Variants in CXXC5 observed in about 807,000 individuals in gnomAD.
CXXC5 encodes the protein CXXC finger protein 5.
In CXXC5, 2 loss-of-function variants were observed where a neutral mutation model predicts 17.6. That is an observed-to-expected ratio of 0.11 (90% CI 0.05 to 0.36). CXXC5 has a LOEUF of 0.36. CXXC5 is among the 10% of genes least tolerant of loss of function. The pLI, the probability that CXXC5 is intolerant of heterozygous loss-of-function variation, is 1.00. For missense variants in CXXC5, 343 were observed against 458.3 expected (o/e 0.75, Z 2.30); for synonymous variants, 171 against 193.0 (o/e 0.89, Z 0.94).
chr5:139,660,265 G>A (rs1755719845), intron 1 of CXXC5, among the ~76,000 whole-genome samples: 1 of 152,234 alleles, frequency 6.6e-6, no homozygotes, highest in Admixed American at 6.5e-5. Flanking sequence ...CTCTGGTGGA[G>A]TGTGGAGCCA....
At chr5:139,647,703 T>G (rs1487249167), upstream of CXXC5, among the ~76,000 whole-genome samples, 1 of 152,160 alleles carries the variant, frequency 6.6e-6, no homozygotes, top group African/African-American at 2.4e-5. Context: ...GACTCAAGAG[T>G]TGAGGCTGAT....
At chr5:139,672,127 AT>A (rs374648862) in intron 1 of CXXC5, among the ~76,000 whole-genome samples, 23 of 151,822 alleles carry the variant, frequency 1.5e-4, no homozygotes, top group African/African-American at 5.1e-4. Flanking sequence ...TTGTTTATTT[AT>A]TGTTTTGAGA....
chr5:139,683,021 T>A lies in CXXC5; in HGVS notation c.*114T>A. 1 of 821,448 alleles carries A rather than the reference T, an allele frequency of 1.2e-6. No homozygotes were observed. The highest frequency in any genetic ancestry group is 1.7e-6 in the Non-Finnish European group (1 of 577,114). The allele number at this position is 821,448 out of a possible 1,614,324, so 50.9% of individuals were successfully genotyped here. A position where few individuals can be genotyped will look rare whatever the true frequency, so the allele number is the denominator to read the frequency against. ...CACCCGTCTTTAGAACCAAAAATAT[T>A]CTCTCACAGATTTCATTCCTGTTTT... On this transcript the variant is annotated 3_prime_UTR_variant, in exon 3 of 3. Coordinates refer to ENST00000302517, the MANE Select transcript of CXXC5 (RefSeq NM_016463.9).
At position 139,669,628 on chromosome 5, in the gene CXXC5, G is replaced by A. The variant is rs1756336534; in HGVS notation, c.-160-10736G>A. 2.6e-5 allele frequency among the ~76,000 whole-genome samples: 4 copies of A among 152,210 alleles called. No homozygotes were observed. In the South Asian group the frequency reaches 8.3e-4, roughly 32 times the overall value. On this transcript the variant is annotated intron_variant, in intron 1 of 2. Coordinates refer to ENST00000302517, the MANE Select transcript of CXXC5 (RefSeq NM_016463.9). ...GGCCACACTCATTTCATGGACATTA[G>A]CCTGTCTTCCCAGCCTTGTGTGACC...
chr5:139,669,042 T>C (rs976429054), intron 1 of CXXC5, among the ~76,000 whole-genome samples: 3 of 152,174 alleles, frequency 2.0e-5, no homozygotes, highest in Non-Finnish European at 4.4e-5. Flanking sequence ...CCATGAGCCC[T>C]GGATGCCAGT....
chr5:139,657,519 G>C (rs1394340246), intron 1 of CXXC5, among the ~76,000 whole-genome samples: 1 of 152,232 alleles, frequency 6.6e-6, no homozygotes, highest in East Asian at 1.9e-4. Context: ...ACTGTCAGGG[G>C]ACACTGGGGT....
At position 139,653,833 on chromosome 5, in the gene CXXC5, C is replaced by T. The variant is rs184533080; in HGVS notation, c.-161+4988C>T. On this transcript the variant is annotated intron_variant, in intron 1 of 2. Coordinates refer to ENST00000302517, the MANE Select transcript of CXXC5 (RefSeq NM_016463.9). ...CTTCATTTCCTGCCTCTGATGCTGG[C>T]CTCCCTCTGGGCTCACAGGGCCTAG... 2.0e-5 allele frequency among the ~76,000 whole-genome samples: 3 copies of T among 149,344 alleles called. No homozygotes were observed. The East Asian group carries it at 5.8e-4, about 29-fold the overall frequency.
At position 139,668,316 on chromosome 5, in the gene CXXC5, C is replaced by T. The variant is rs1198242458; in HGVS notation, c.-160-12048C>T. On this transcript the variant is annotated intron_variant, in intron 1 of 2. Coordinates refer to ENST00000302517, the MANE Select transcript of CXXC5 (RefSeq NM_016463.9). The surrounding 1 kb of genome is among the most constrained non-coding windows in gnomAD (Gnocchi z 4.1). ...TCTCCTTGGCCCAGGCCTTCCCAGG[C>T]TGCCCGTCCCGCCGCGGCTCAGGGC... 1.1e-4 allele frequency among the ~76,000 whole-genome samples: 17 copies of T among 152,126 alleles called. No individual in the cohort carries two copies.
At chr5:139,677,170 G>C (rs1756890255) in intron 1 of CXXC5, among the ~76,000 whole-genome samples, 1 of 151,892 alleles carries the variant, frequency 6.6e-6, no homozygotes, top group African/African-American at 2.4e-5. Context: ...ATTTCTTTTT[G>C]GGGGCTGGAT....
chr5:139,654,898 C>T (rs927115801), intron 1 of CXXC5, among the ~76,000 whole-genome samples: 3 of 152,060 alleles, frequency 2.0e-5, no homozygotes, highest in Non-Finnish European at 2.9e-5. Flanking sequence ...GCTGGGGTAG[C>T]GTGGGAGGGC....
At chr5:139,672,634 C>T (rs1756548395) in intron 1 of CXXC5, among the ~76,000 whole-genome samples, 1 of 152,192 alleles carries the variant, frequency 6.6e-6, no homozygotes, top group Non-Finnish European at 1.5e-5. Flanking sequence ...TGGAGGGGAT[C>T]GCTGTCTGGA....
intron 1 of CXXC5, among the ~76,000 whole-genome samples, chr5:139,675,977 G>A (rs1011853324): frequency 1.3e-5 from 2 of 151,444 alleles, no homozygotes; most frequent in South Asian, 4.2e-4. Context: ...GCACGGGGTG[G>A]CCTCCACTGC....
Position 139,661,533 on chromosome 5 carries a change from C to T in CXXC5, c.-161+12688C>T, listed in dbSNP as rs1412159914. 6.6e-6 allele frequency among the ~76,000 whole-genome samples: 1 copy of T among 152,202 alleles called. No individual in the cohort carries two copies. Among genetic ancestry groups the T allele is most frequent in the African/African-American group, 2.4e-5 (1 of 41,442 alleles). On this transcript the variant is annotated intron_variant, in intron 1 of 2. Transcript: ENST00000302517. This position sits in a 1 kb window ranked among gnomAD's most constrained non-coding sequence, Gnocchi z 4.7. Reference sequence around the variant, plus strand: ...CACAGCCCAGCCTCTGGCACACACACCCACTGGCACGTACCTAGGCGAATG... The same window carrying T: ...CACAGCCCAGCCTCTGGCACACACATCCACTGGCACGTACCTAGGCGAATG...
At position 139,658,870 on chromosome 5, in the gene CXXC5, G is replaced by A. The variant is rs1755628314; in HGVS notation, c.-161+10025G>A. 6.6e-6 allele frequency among the ~76,000 whole-genome samples: 1 copy of A among 152,224 alleles called. No homozygotes were observed. Among genetic ancestry groups the A allele is most frequent in the South Asian group, 2.1e-4 (1 of 4,832 alleles). ...CCACTGTTGAACTGTAGGAGAGTTA[G>A]GAGTGTCATCTAGAGCAGCCTAGCT... On this transcript the variant is annotated intron_variant, in intron 1 of 2. Transcript: ENST00000302517. This position sits in a 1 kb window ranked among gnomAD's most constrained non-coding sequence, Gnocchi z 4.1.
At chr5:139,655,808 G>A (rs1278740395) in intron 1 of CXXC5, among the ~76,000 whole-genome samples, 2 of 148,430 alleles carry the variant, frequency 1.3e-5, no homozygotes, top group Admixed American at 6.9e-5. Flanking sequence ...TTATTTTTCT[G>A]TTTGTTTGGG....
intron 1 of CXXC5, among the ~76,000 whole-genome samples, chr5:139,655,477 C>T (rs1050036996): frequency 2.7e-5 from 4 of 148,914 alleles, no homozygotes; most frequent in African/African-American, 9.9e-5. Flanking sequence ...GAATTACTGA[C>T]CCAGAGGCTG....
At chr5:139,656,850 G>A (rs1049141122) in intron 1 of CXXC5, among the ~76,000 whole-genome samples, 2 of 152,088 alleles carry the variant, frequency 1.3e-5, no homozygotes, top group East Asian at 1.9e-4. Context: ...TCAGCCTCCC[G>A]AGTAGCTGGG....
intron 1 of CXXC5, among the ~76,000 whole-genome samples, chr5:139,671,256 G>A (rs1756451220): frequency 6.6e-6 from 1 of 152,190 alleles, no homozygotes; most frequent in Non-Finnish European, 1.5e-5. Flanking sequence ...CAGACTCTGG[G>A]GGGTGACCTC....
At chr5:139,655,761 A>G (rs1289118292) in intron 1 of CXXC5, among the ~76,000 whole-genome samples, 1 of 10,210 alleles carries the variant, frequency 9.8e-5, no homozygotes, top group South Asian at 3.0e-3. Context: ...CCCCTCCCCC[A>G]CCAGCTGTGC....
Sources: gnomAD v4.1 joint callset for allele counts (sites outside exome capture counted in the v4.1 genomes callset) on GRCh38, gnomAD v4.1.1 for gene constraint, Gnocchi (gnomAD v3.1) non-coding constraint, MANE v1.5 for transcripts, NCBI Gene and HGNC (gene_info 2026-07-23, HGNC 2026-07-21) for gene names.